Variants in ATP2B2 observed in about 807,000 individuals in gnomAD.
The protein encoded by ATP2B2 is plasma membrane calcium-transporting ATPase 2.
In ATP2B2, 15 loss-of-function variants were observed where a neutral mutation model predicts 120.0. The ratio of observed to expected loss-of-function variants is 0.12; its 90% CI spans 0.08 to 0.19. The LOEUF (loss-of-function observed/expected upper bound fraction) is 0.19. Among genes scored for constraint, ATP2B2 ranks in the 10% least tolerant of loss-of-function variants. ATP2B2 has a pLI of 1.00. For missense variants in ATP2B2, 1,045 were observed against 1,719.8 expected, an observed-to-expected ratio of 0.61 and a Z score of 6.94; for synonymous variants, 694 against 700.3, an observed-to-expected ratio of 0.99 and a Z score of 0.14.
At chr3:10,548,599 A>G (rs1227607803) in intron 2 of ATP2B2, among the ~76,000 whole-genome samples, 2 of 152,186 alleles carry the variant, frequency 1.3e-5, no homozygotes, top group Admixed American at 1.3e-4. Context: ...TGGGTTTTAC[A>G]CTAGCTCCCA....
chr3:10,652,891 C>A (rs2125668765), intron 1 of ATP2B2, among the ~76,000 whole-genome samples: 1 of 152,266 alleles, frequency 6.6e-6, no homozygotes, highest in South Asian at 2.1e-4. Context: ...GTACAGCAGT[C>A]AAAGTCATAG....
chr3:10,360,236 G>A (rs2060858637), intron 12 of ATP2B2, 113 bp from the exon 13 acceptor site: 2 of 1,460,266 alleles, frequency 1.4e-6, no homozygotes, highest in Admixed American at 2.6e-5. Context: ...TGGGCTGGGG[G>A]CTGAGCCCTC....
intron 5 of ATP2B2, among the ~76,000 whole-genome samples, chr3:10,392,278 G>A (rs1337992382): frequency 1.3e-5 from 2 of 152,142 alleles, no homozygotes; most frequent in Non-Finnish European, 2.9e-5. Context: ...GAATACCAAT[G>A]TCCCTAATAA....
intron 14 of ATP2B2, among the ~76,000 whole-genome samples, chr3:10,355,725 G>A (rs752314936): frequency 4.6e-5 from 7 of 152,188 alleles, no homozygotes; most frequent in Non-Finnish European, 7.3e-5. Context: ...CAGGCCCTGG[G>A]CATGGGGAGC....
At chr3:10,412,520 T>G (rs1213256456) in intron 2 of ATP2B2, among the ~76,000 whole-genome samples, 2 of 152,160 alleles carry the variant, frequency 1.3e-5, no homozygotes, top group African/African-American at 4.8e-5. Flanking sequence ...CTCCTGCTGT[T>G]CAGCAAACCG....
At chr3:10,486,425 A>G (rs1441202651) in intron 1 of ATP2B2, among the ~76,000 whole-genome samples, 1 of 151,878 alleles carries the variant, frequency 6.6e-6, no homozygotes, top group Non-Finnish European at 1.5e-5. Flanking sequence ...TGATCTACAA[A>G]GCACCAAAAG....
chr3:10,483,481 A>G (rs2065497386), intron 1 of ATP2B2, among the ~76,000 whole-genome samples: 1 of 152,196 alleles, frequency 6.6e-6, no homozygotes, highest in East Asian at 1.9e-4. Flanking sequence ...AGCAGAAGGC[A>G]ATCCTGGCTC....
Position 10,357,612 on chromosome 3 carries a change from G to A in ATP2B2, c.2136+1079C>T. 1.3e-5 allele frequency among the ~76,000 whole-genome samples: 2 copies of A among 152,138 alleles called. 1 individual carries two copies. Among genetic ancestry groups the A allele is most frequent in the Non-Finnish European group, 2.9e-5 (2 of 68,030 alleles). On this transcript the variant is annotated intron_variant, in intron 14 of 22. Coordinates refer to ENST00000360273, the MANE Select transcript of ATP2B2 (RefSeq NM_001001331.4). ...GTCAGGGTAGGTCCATTAAGGAGTGGAGGAGGTGGGCCCTCAAAGCATCAG... is the reference window on the plus strand; with the variant it reads ...GTCAGGGTAGGTCCATTAAGGAGTGAAGGAGGTGGGCCCTCAAAGCATCAG...
chr3:10,633,015 C>A (rs1423057817), intron 1 of ATP2B2, among the ~76,000 whole-genome samples: 1 of 152,240 alleles, frequency 6.6e-6, no homozygotes, highest in Admixed American at 6.5e-5. Context: ...GACAGCCTTG[C>A]TGAGCCAGGG....
chr3:10,415,802 C>T (rs759191068), intron 2 of ATP2B2, among the ~76,000 whole-genome samples: 1 of 152,186 alleles, frequency 6.6e-6, no homozygotes, highest in Non-Finnish European at 1.5e-5. Flanking sequence ...GGCAGCGAGG[C>T]CCTGAAAATT....
chr3:10,395,417 G>T (rs1351416081), intron 5 of ATP2B2, among the ~76,000 whole-genome samples: 1 of 152,192 alleles, frequency 6.6e-6, no homozygotes, highest in Non-Finnish European at 1.5e-5. Flanking sequence ...TGAATTGATG[G>T]CTGTGTTGTG....
chr3:10,346,108 G>A lies in ATP2B2; in HGVS notation c.2434C>T (p.Arg812Trp), dbSNP rs866132370. ...GIIDSTHTEQRQVVAVTGDGT... is the reference protein window; with the variant it reads ...GIIDSTHTEQWQVVAVTGDGT... ...TCCCCCGTCACGGCCACCACCTGCC[G>A]CTGCTCAGTGTGTGTGCTGTCGATG... is the stretch of plus-strand genomic sequence containing the variant. The change falls in exon 17 of 23, where the codon CGG becomes TGG. Residue 812 changes from arginine to tryptophan, a missense_variant. Arg to Trp is a moderately radical substitution (Grantham distance 101). Around this residue, in one of 11 missense-constraint regions of ATP2B2, gnomAD observed 98 missense variants for 266.7 expected, o/e 0.37. Transcript: ENST00000360273. The surrounding 1 kb of genome is among the most constrained non-coding windows in gnomAD (Gnocchi z 4.1). The A allele has an allele frequency of 5.6e-6, 9 of 1,611,738 alleles. No individual in the cohort carries two copies. The highest frequency in any genetic ancestry group is 6.8e-6 in the Non-Finnish European group (8 of 1,179,958).
At chr3:10,660,295 C>A (rs1559508871) in intron 1 of ATP2B2, among the ~76,000 whole-genome samples, 1 of 152,074 alleles carries the variant, frequency 6.6e-6, no homozygotes, top group Non-Finnish European at 1.5e-5. Flanking sequence ...TTCAAAAAAT[C>A]AATGAATCCA....
At chr3:10,517,137 T>G (rs1352527519) in intron 3 of ATP2B2, among the ~76,000 whole-genome samples, 5 of 152,236 alleles carry the variant, frequency 3.3e-5, no homozygotes, top group African/African-American at 4.8e-5. Flanking sequence ...GCCTTTTGAT[T>G]CACTGCCTCG....
intron 12 of ATP2B2, among the ~76,000 whole-genome samples, chr3:10,365,068 A>G (rs1277494234): frequency 6.6e-6 from 1 of 152,240 alleles, no homozygotes; most frequent in African/African-American, 2.4e-5. Context: ...TTTTAGAGTC[A>G]TGCACAACTG....
intron 2 of ATP2B2, among the ~76,000 whole-genome samples, chr3:10,608,077 A>G (rs1435094220): frequency 6.6e-6 from 1 of 152,202 alleles, no homozygotes; most frequent in African/African-American, 2.4e-5. Context: ...TTGTCACTCA[A>G]ACTCGGAAAA....
At chr3:10,669,483 A>G (rs79305285) in intron 1 of ATP2B2, among the ~76,000 whole-genome samples, 6,767 of 151,936 alleles carry the variant, frequency 0.045, 166 homozygotes, top group South Asian at 0.082. Context: ...TCACCTCTCA[A>G]CCTCATCTCT....
intron 2 of ATP2B2, among the ~76,000 whole-genome samples, chr3:10,421,849 G>A (rs2062991342): frequency 6.6e-6 from 1 of 152,160 alleles, no homozygotes; most frequent in South Asian, 2.1e-4. Flanking sequence ...ACCCTCTGTC[G>A]ACTTATTTAG....
rs1025531617 is a variant in ATP2B2, at chr3:10,486,410, C to T, written c.-320+19055G>A. ...ATGTCAGGATCAGCCCCAAATTCCA[C>T]AGGGTGATCTACAAAGCACCAAAAG... On this transcript the variant is annotated intron_variant, in intron 1 of 22. Coordinates refer to ENST00000360273, the MANE Select transcript of ATP2B2 (RefSeq NM_001001331.4). Among the ~76,000 whole-genome samples the T allele has an allele frequency of 8.6e-5, 13 of 151,920 alleles. 1 individual carries two copies. Among genetic ancestry groups the T allele is most frequent in the Admixed American group, 7.9e-4 (12 of 15,252 alleles).
Sources: gnomAD v4.1 joint callset for allele counts (sites outside exome capture counted in the v4.1 genomes callset) on GRCh38, gnomAD v4.1.1 for gene constraint, gnomAD v4.1.1 regional missense constraint, Gnocchi (gnomAD v3.1) non-coding constraint, MANE v1.5 for transcripts, NCBI Gene and HGNC (gene_info 2026-07-23, HGNC 2026-07-21) for gene names.